The following MAG variants were observed in gnomAD, a reference collection of about 807,000 sequenced individuals.
The protein encoded by MAG is myelin associated glycoprotein.
A neutral mutation model predicts 60.7 loss-of-function variants in MAG; 30 were observed. The observed-to-expected ratio is 0.49, with a 90% confidence interval of 0.37 to 0.67. The LOEUF is 0.67. Ranked by LOEUF, MAG falls within the 30% of genes least tolerant of loss-of-function variation. MAG has a pLI of 0.00. For missense variants in MAG, 795 were observed against 851.7 expected, an observed-to-expected ratio of 0.93 and a Z score of 0.83; for synonymous variants, 384 against 376.8, an observed-to-expected ratio of 1.02 and a Z score of -0.22.
intron 7 of MAG, among the ~76,000 whole-genome samples, chr19:35,305,955 C>CT (rs745533416): frequency 8.0e-4 from 115 of 143,026 alleles, no homozygotes; most frequent in Non-Finnish European, 1.3e-3. Context: ...ACTGTCCCAG[C>CT]CCCCCACTCC....
In MAG at chr19:35,313,471, CTGCGTGG is replaced by C; in HGVS notation, c.*18_*24del. The C allele has an allele frequency of 6.2e-7, 1 of 1,601,030 alleles. No homozygotes were observed. Among genetic ancestry groups the C allele is most frequent in the Non-Finnish European group, 8.5e-7 (1 of 1,174,248 alleles). ...GTCAAGTGAAGGAGCTGGGGGCAGC[CTGCGTGG>C]CTGACCCCCCTCAGGACCCTCGCTG... On this transcript the variant is annotated 3_prime_UTR_variant, in exon 11 of 11. Coordinates refer to ENST00000392213, the MANE Select transcript of MAG (RefSeq NM_002361.4).
At chr19:35,307,153 A>G (rs1024367719) in intron 7 of MAG, among the ~76,000 whole-genome samples, 1 of 152,246 alleles carries the variant, frequency 6.6e-6, no homozygotes, top group Non-Finnish European at 1.5e-5. Flanking sequence ...GTTCGCTGTT[A>G]TTAATGTACT....
At chr19:35,299,951 T>C in intron 5 of MAG, 101 bp downstream of exon 5, 2 of 661,572 alleles carry the variant, frequency 3.0e-6, no homozygotes, top group South Asian at 5.5e-5. Context: ...CGGGCCGTGA[T>C]GGGGGCGGGG....
Position 35,294,269 on chromosome 19 carries a change from T to TC in MAG, c.-41dup, listed in dbSNP as rs2066379992. ...CGGCTTCAGGTGGACCCAGAAGACG[T>TC]CCCCAACTCAGGGAGATTCAGGTGA... On this transcript the variant is annotated 5_prime_UTR_variant, in exon 2 of 11. Transcript: ENST00000392213. The TC allele has an allele frequency of 4.6e-6, 2 of 438,588 alleles. No individual in the cohort carries two copies. Among genetic ancestry groups the TC allele is most frequent in the Admixed American group, 5.0e-5 (2 of 39,728 alleles). 27.2% of individuals were successfully genotyped at this position (438,588 alleles called of 1,614,324 possible).
intron 7 of MAG, among the ~76,000 whole-genome samples, chr19:35,304,791 C>T (rs147162294): frequency 4.6e-5 from 7 of 152,298 alleles, no homozygotes; most frequent in African/African-American, 1.4e-4. Context: ...CCACCCGCCT[C>T]GGCCTCCCAA....
intron 7 of MAG, among the ~76,000 whole-genome samples, chr19:35,308,845 T>A (rs1189696477): frequency 6.6e-6 from 1 of 151,826 alleles, no homozygotes; most frequent in Non-Finnish European, 1.5e-5. Context: ...CTGGGCGCAG[T>A]GGCTTATGCC....
chr19:35,300,568 C>G (rs1434064529), intron 6 of MAG, among the ~76,000 whole-genome samples, 164 bp downstream of exon 6: 1 of 152,216 alleles, frequency 6.6e-6, no homozygotes, highest in Non-Finnish European at 1.5e-5. Flanking sequence ...TACCTTCATT[C>G]TTTCCACAAG....
chr19:35,312,498 T>C (rs1418229939), intron 10 of MAG: 2 of 356,596 alleles, frequency 5.6e-6, no homozygotes, highest in East Asian at 1.4e-4. Context: ...CTTCTGTCTG[T>C]GGCCACCGTC....
At position 35,300,193 on chromosome 19, in the gene MAG, G is replaced by T. The variant is rs1789210156; in HGVS notation, c.759G>T (p.Glu253Asp). 2 of 1,567,864 alleles carry T rather than the reference G, an allele frequency of 1.3e-6. No homozygotes were observed. The highest frequency in any genetic ancestry group is 3.6e-5 in the Admixed American group (2 of 56,106). Reference sequence around the variant, plus strand: ...TGAACTCCTCGGTGGAGGCCATCGAGGGCTCCCACGTGAGCCTGCTCTGTG... The same window carrying T: ...TGAACTCCTCGGTGGAGGCCATCGATGGCTCCCACGTGAGCCTGCTCTGTG... The part of the protein sequence containing the change: ...VEMNSSVEAI[E>D]GSHVSLLCGA... The change falls in exon 6 of 11, where the codon GAG becomes GAT. Residue 253 changes from glutamate (E) to aspartate (D), a missense_variant. Glu to Asp is a conservative substitution (Grantham distance 45, BLOSUM62 2). Transcript: ENST00000392213.
chr19:35,308,841 G>T (rs188393501), intron 7 of MAG, among the ~76,000 whole-genome samples: 1 of 151,992 alleles, frequency 6.6e-6, no homozygotes, highest in East Asian at 1.9e-4. Flanking sequence ...GTGGCTGGGC[G>T]CAGTGGCTTA....
Position 35,295,987 on chromosome 19 carries a change from T to TC in MAG, c.415+10dup. On this transcript the variant is annotated splice_region_variant and intron_variant, in intron 4 of 10. Transcript: ENST00000392213. The surrounding 1 kb of genome is among the most constrained non-coding windows in gnomAD (Gnocchi z 5.8). Reference sequence around the variant, plus strand: ...CAGCGTCCTGGATATCGTCAGTGAGTCCCCAGCGGTTGTGCAGGCACCGGG... The same window carrying TC: ...CAGCGTCCTGGATATCGTCAGTGAGTCCCCCAGCGGTTGTGCAGGCACCGGG... 6.4e-7 allele frequency: 1 copy of TC among 1,557,188 alleles called. No homozygotes were observed. The highest frequency in any genetic ancestry group is 1.9e-5 in the Admixed American group (1 of 53,240).
At chr19:35,299,452 T>C (rs1228958160) in intron 4 of MAG, 102 bp from the exon 5 acceptor site, 10 of 768,594 alleles carry the variant, frequency 1.3e-5, no homozygotes, top group Non-Finnish European at 2.0e-5. Flanking sequence ...AGGAGTACCA[T>C]TGCCAGCAAT....
rs189153499 is a variant in MAG at position 35,304,366 on chromosome 19, C to T, written c.1231+1658C>T. On this transcript the variant is annotated intron_variant, in intron 7 of 10. Coordinates refer to ENST00000392213, the MANE Select transcript of MAG (RefSeq NM_002361.4). ...CAGTTTAAGAGTCAGAGAGAGGAGC[C>T]GATGGGAGTACTTGAACAAGCCTGC... 3.9e-5 allele frequency among the ~76,000 whole-genome samples: 6 copies of T among 152,130 alleles called. No individual in the cohort carries two copies. The East Asian group carries it at 5.8e-4, about 15-fold the overall frequency.
chr19:35,313,188 T>C, intron 10 of MAG, 102 bp from the exon 11 acceptor site: 1 of 1,286,178 alleles, frequency 7.8e-7, no homozygotes, highest in Admixed American at 2.5e-5. Flanking sequence ...AGGGATTTAT[T>C]TGGGACTGAA....
chr19:35,300,404 T>G lies in MAG; in HGVS notation c.970T>G (p.Tyr324Asp). ...CCGCACCGTGGGGCTCAGTGTCATG[T>G]GTGAGTGGCCCACTCTGTGCGTCCA... The part of the protein sequence containing the change: ...DNRTVGLSVM[Y>D]APWKPTVNGT... Residue 324 changes from tyrosine to aspartate, a missense_variant and splice_region_variant, in exon 6 of 11, where the codon TAT (tyrosine) becomes GAT (aspartate). Physicochemically the swap from Tyr to Asp is radical, Grantham distance 160. Coordinates refer to ENST00000392213, the MANE Select transcript of MAG (RefSeq NM_002361.4). 6.4e-7 allele frequency: 1 copy of G among 1,565,250 alleles called. No individual in the cohort carries two copies. The highest frequency in any genetic ancestry group is 8.7e-7 in the Non-Finnish European group (1 of 1,155,996).
chr19:35,298,188 C>T (rs1177498719), intron 4 of MAG, among the ~76,000 whole-genome samples: 2 of 151,210 alleles, frequency 1.3e-5, no homozygotes, highest in African/African-American at 2.4e-5. Flanking sequence ...GCACACACTA[C>T]ACCCTATACA....
At chr19:35,303,311 C>T (rs556978331) in intron 7 of MAG, among the ~76,000 whole-genome samples, 2 of 152,228 alleles carry the variant, frequency 1.3e-5, no homozygotes, top group African/African-American at 2.4e-5. Flanking sequence ...GATCTCTAAC[C>T]TGTGTAGAGT....
In MAG at chr19:35,313,482, A is replaced by G; in HGVS notation, c.*28A>G. On this transcript the variant is annotated 3_prime_UTR_variant, in exon 11 of 11. Coordinates refer to ENST00000392213, the MANE Select transcript of MAG (RefSeq NM_002361.4). ...GAGCTGGGGGCAGCCTGCGTGGCTG[A>G]CCCCCCTCAGGACCCTCGCTGGCCC... 1 of 1,587,530 alleles carries G rather than the reference A, an allele frequency of 6.3e-7. No individual in the cohort carries two copies. Among genetic ancestry groups the G allele is most frequent in the East Asian group, 2.3e-5 (1 of 44,038 alleles).
In MAG at chr19:35,310,596, T is replaced by A; in HGVS notation, c.1569T>A (p.Phe523Leu). 4 of 1,614,090 alleles carry A rather than the reference T, an allele frequency of 2.5e-6. No homozygotes were observed. The highest frequency in any genetic ancestry group is 3.4e-6 in the Non-Finnish European group (4 of 1,180,016). Residue 523 changes from phenylalanine to leucine, a missense_variant, in exon 9 of 11, where the codon TTT becomes TTA. By Grantham distance (22) the Phe-to-Leu change is conservative. Transcript: ENST00000392213. Reference sequence around the variant, plus strand: ...GGCCTGTGGGCGCCGTGGTCGCCTTTGCCATCCTGATTGCCATCGTCTGCT... The same window carrying A: ...GGCCTGTGGGCGCCGTGGTCGCCTTAGCCATCCTGATTGCCATCGTCTGCT... ...KIGPVGAVVA[F>L]AILIAIVCYI...
Sources: gnomAD v4.1 joint callset for allele counts (sites outside exome capture counted in the v4.1 genomes callset) on GRCh38, gnomAD v4.1.1 for gene constraint, Gnocchi (gnomAD v3.1) non-coding constraint, MANE v1.5 for transcripts, NCBI Gene and HGNC (gene_info 2026-07-23, HGNC 2026-07-21) for gene names.